The following CCDC13 variants were observed in gnomAD, a reference collection of about 807,000 sequenced individuals.
CCDC13 encodes the protein coiled-coil domain containing 13.
Under a neutral mutation model 87.3 loss-of-function variants are expected in CCDC13, and 70 were observed. The ratio of observed to expected loss-of-function variants is 0.80; its 90% CI spans 0.66 to 0.98. The LOEUF is 0.98. CCDC13 is among the 50% of genes least tolerant of loss of function. The pLI is 0.00. For missense variants in CCDC13, 842 were observed against 892.0 expected, an observed-to-expected ratio of 0.94 and a Z score of 0.71; for synonymous variants, 317 against 360.3, an observed-to-expected ratio of 0.88 and a Z score of 1.36.
chr3:42,752,542 C>T (rs761023129), intron 4 of CCDC13, 33 bp downstream of exon 4: 2 of 1,613,174 alleles, frequency 1.2e-6, no homozygotes, highest in East Asian at 2.2e-5. Flanking sequence ...GCTAGGAGTC[C>T]CCTCCAGAGG....
At chr3:42,760,978 A>G (rs1699820822) in intron 1 of CCDC13, among the ~76,000 whole-genome samples, 1 of 152,112 alleles carries the variant, frequency 6.6e-6, no homozygotes, top group Non-Finnish European at 1.5e-5. Flanking sequence ...TTACAGTCAC[A>G]ATACAATCAC....
intron 5 of CCDC13, chr3:42,749,937 G>T (rs1183058963): frequency 1.5e-5 from 7 of 456,624 alleles, no homozygotes; most frequent in Non-Finnish European, 3.1e-5. Context: ...GTGTGGCTCG[G>T]GCTTGGGCCG....
At chr3:42,751,801 T>C in intron 5 of CCDC13, 135 bp downstream of exon 5, 1 of 699,480 alleles carries the variant, frequency 1.4e-6, no homozygotes, top group South Asian at 1.7e-5. Flanking sequence ...TGGTAGACAA[T>C]GGGCACCTGG....
intron 1 of CCDC13, among the ~76,000 whole-genome samples, chr3:42,761,725 C>T (rs775066959): frequency 1.5e-4 from 23 of 152,158 alleles, no homozygotes; most frequent in Non-Finnish European, 2.8e-4. Flanking sequence ...AGTCCAATGG[C>T]ATTAAGCGCT....
chr3:42,733,319 T>A (rs1265034712), intron 11 of CCDC13, 151 bp downstream of exon 11: 8 of 959,168 alleles, frequency 8.3e-6, no homozygotes, highest in Non-Finnish European at 1.3e-5. Context: ...GCAGAGCTAA[T>A]GTCATAGGAG....
chr3:42,772,278 A>AGT (rs1700137314), intron 1 of CCDC13, among the ~76,000 whole-genome samples: 2 of 22,192 alleles, frequency 9.0e-5, no homozygotes, highest in Non-Finnish European at 1.6e-4. Flanking sequence ...AAAAAAAAAA[A>AGT]AAAAAAAAAA....
intron 7 of CCDC13, 120 bp from the exon 8 acceptor site, chr3:42,743,177 GC>G: frequency 8.8e-7 from 1 of 1,137,000 alleles, no homozygotes; most frequent in Non-Finnish European, 1.3e-6. Context: ...GGCTGTGGTA[GC>G]CCCATCTGAG....
intron 3 of CCDC13, among the ~76,000 whole-genome samples, chr3:42,756,406 T>C (rs1005834508): frequency 1.4e-4 from 22 of 152,138 alleles, no homozygotes; most frequent in Admixed American, 6.5e-5. Flanking sequence ...ACCAGACTCA[T>C]GGGGCCACCA....
At chr3:42,710,212 C>T (rs1034769940) in intron 14 of CCDC13, among the ~76,000 whole-genome samples, 6 of 150,992 alleles carry the variant, frequency 4.0e-5, no homozygotes, top group East Asian at 1.9e-4. Context: ...AGGGTTCAAG[C>T]GATTCTTGTG....
intron 13 of CCDC13, among the ~76,000 whole-genome samples, chr3:42,729,081 C>T (rs1698758609): frequency 1.3e-5 from 2 of 152,184 alleles, no homozygotes; most frequent in South Asian, 2.1e-4. Context: ...GGTAGAATTA[C>T]CCAGCCAAGC....
intron 13 of CCDC13, chr3:42,714,133 C>A (rs1698377229): frequency 6.6e-6 from 1 of 152,242 alleles, no homozygotes. Context: ...TCACTACCCT[C>A]TCTGACTTCC....
At chr3:42,740,346 C>G (rs985044175) in intron 8 of CCDC13, among the ~76,000 whole-genome samples, 4 of 152,214 alleles carry the variant, frequency 2.6e-5, no homozygotes, top group African/African-American at 9.6e-5. Flanking sequence ...TGGAAACTCA[C>G]ATGCAGCACA....
At chr3:42,746,131 A>G (rs1699389032) in intron 6 of CCDC13, 104 bp from the exon 7 acceptor site, 1 of 844,458 alleles carries the variant, frequency 1.2e-6, no homozygotes, top group Non-Finnish European at 2.0e-6. Flanking sequence ...CTTCACCTAC[A>G]CGATCTTCTT....
At chr3:42,726,106 G>A (rs1385135582) in intron 13 of CCDC13, among the ~76,000 whole-genome samples, 2 of 152,098 alleles carry the variant, frequency 1.3e-5, no homozygotes, top group Admixed American at 6.6e-5. Flanking sequence ...GTGGAGTGGC[G>A]TGATCTTGGC....
chr3:42,759,585 T>A (rs1285923026), intron 1 of CCDC13, among the ~76,000 whole-genome samples: 2 of 151,906 alleles, frequency 1.3e-5, no homozygotes, highest in Admixed American at 1.3e-4. Flanking sequence ...TGCTCAGCAC[T>A]ACCTTTTTGA....
intron 12 of CCDC13, chr3:42,732,668 C>A: frequency 1.8e-6 from 1 of 562,552 alleles, no homozygotes; most frequent in Non-Finnish European, 3.1e-6. Context: ...GGTAGGAACC[C>A]TAGCCTGGGA....
chr3:42,739,792 C>T lies in CCDC13; in HGVS notation c.1006G>A (p.Asp336Asn). The T allele has an allele frequency of 6.2e-7, 1 of 1,614,102 alleles. No homozygotes were observed. Among genetic ancestry groups the T allele is most frequent in the South Asian group, 1.1e-5 (1 of 91,082 alleles). The change falls in exon 9 of 16, where the codon GAT (aspartate) becomes AAT (asparagine). Residue 336 changes from aspartate (D) to asparagine (N), a missense_variant. Physicochemically the swap from Asp to Asn is conservative, Grantham distance 23. Transcript: ENST00000310232. Reference protein sequence around the residue: ...EGLEKLASERDVLQRELEELK... With the variant: ...EGLEKLASERNVLQRELEELK... ...TCTTCAAGCTCTCTCTGGAGGACAT[C>T]CCGTTCACTGGCAAGTTTCTGTAAT...
intron 10 of CCDC13, 75 bp from the exon 11 acceptor site, chr3:42,733,684 C>A: frequency 6.6e-7 from 1 of 1,510,008 alleles, no homozygotes; most frequent in East Asian, 2.4e-5. Flanking sequence ...GGGATCTTGG[C>A]TTGATTTCGG....
At chr3:42,766,133 G>A (rs762094182) in intron 1 of CCDC13, among the ~76,000 whole-genome samples, 5 of 152,154 alleles carry the variant, frequency 3.3e-5, no homozygotes, top group Non-Finnish European at 5.9e-5. Context: ...AAACCTAGGC[G>A]GTTTGGGTTT....
Sources: allele counts gnomAD v4.1 joint callset (sites outside exome capture counted in the v4.1 genomes callset), GRCh38; gene constraint gnomAD v4.1.1; transcripts MANE v1.5; gene names NCBI Gene and HGNC (gene_info 2026-07-23, HGNC 2026-07-21).